Variants in NBAS observed in about 807,000 individuals in gnomAD.
NBAS encodes NBAS subunit of NRZ tethering complex.
NBAS carries 219 observed loss-of-function variants against 302.5 expected under a neutral mutation model. The observed-to-expected ratio is 0.72, with a 90% CI of 0.65 to 0.81. The LOEUF (loss-of-function observed/expected upper bound fraction) is 0.81. Ranked by LOEUF, NBAS falls within the 30% of genes least tolerant of loss-of-function variation. The pLI is 0.00. For missense variants in NBAS, 2,932 were observed against 2,841.6 expected (o/e 1.03, Z -0.72); for synonymous variants, 1,118 against 1,021.6 (o/e 1.09, Z -1.80).
chr2:15,411,766 A>G (rs1676698200), intron 25 of NBAS, among the ~76,000 whole-genome samples: 4 of 152,240 alleles, frequency 2.6e-5, no homozygotes, highest in Admixed American at 2.6e-4. Flanking sequence ...CGCATACTCC[A>G]GGATGCTTCT....
chr2:15,028,235 C>T, the NBAS span, among the ~76,000 whole-genome samples: 2 of 152,160 alleles, frequency 1.3e-5, no homozygotes, highest in Non-Finnish European at 2.9e-5. Flanking sequence ...AACCCAGTGG[C>T]TTTCGAACTC....
the NBAS span, among the ~76,000 whole-genome samples, chr2:14,993,200 T>C: frequency 1.3e-5 from 2 of 152,282 alleles, no homozygotes; most frequent in South Asian, 2.1e-4. Context: ...GAACCCTCCA[T>C]GCTCCCCATT....
the NBAS span, among the ~76,000 whole-genome samples, chr2:15,028,417 A>AT: frequency 6.6e-6 from 1 of 152,242 alleles, no homozygotes; most frequent in African/African-American, 2.4e-5. Flanking sequence ...TGCCCAATTC[A>AT]TTTTTGAAGC....
At chr2:15,513,458 T>TA (rs1662235546) in intron 9 of NBAS, among the ~76,000 whole-genome samples, 1 of 152,194 alleles carries the variant, frequency 6.6e-6, no homozygotes, top group African/African-American at 2.4e-5. Flanking sequence ...GGAGTATATC[T>TA]AGTGCAGATA....
intron 10 of NBAS, among the ~76,000 whole-genome samples, chr2:15,509,008 A>T (rs1160842831): frequency 3.3e-5 from 5 of 151,884 alleles, no homozygotes; most frequent in African/African-American, 9.7e-5. Flanking sequence ...ACTTCTTCAG[A>T]CTCTAAGATC....
chr2:15,443,206 G>A (rs1416920312), intron 21 of NBAS, among the ~76,000 whole-genome samples: 1 of 151,766 alleles, frequency 6.6e-6, no homozygotes, highest in Non-Finnish European at 1.5e-5. Flanking sequence ...ACAAAAAAAA[G>A]AATTTTAGAC....
Position 15,549,196 on chromosome 2 carries a change from G to A in NBAS, c.379+2297C>T, listed in dbSNP as rs72778698. Among the ~76,000 whole-genome samples the A allele has an allele frequency of 2.0e-3, 305 of 152,200 alleles. 2 individuals carry two copies. The highest frequency in any genetic ancestry group is 3.2e-3 in the Non-Finnish European group (218 of 68,022). On this transcript the variant is annotated intron_variant, in intron 6 of 51. Transcript: ENST00000281513. ...TTACAGATAATGAAACTGGGGCTCA[G>A]AGAGGTAACTTGCCCGAGGTTACCA...
intron 6 of NBAS, among the ~76,000 whole-genome samples, chr2:15,549,773 A>T (rs2148707019): frequency 6.6e-6 from 1 of 152,176 alleles, no homozygotes; most frequent in South Asian, 2.1e-4. Flanking sequence ...ATAAATAAAC[A>T]GGCTCCCAGG....
the NBAS span, among the ~76,000 whole-genome samples, chr2:14,867,348 T>G: frequency 1.3e-5 from 2 of 152,162 alleles, no homozygotes; most frequent in African/African-American, 4.8e-5. Context: ...ATATCATGTT[T>G]GCTAACAATC....
At chr2:14,906,091 AAGC>A in the NBAS span, among the ~76,000 whole-genome samples, 18 of 152,076 alleles carry the variant, frequency 1.2e-4, no homozygotes, top group Admixed American at 4.6e-4. Flanking sequence ...CAGCAGTGGT[AAGC>A]AGCAGCAGCA....
At chr2:15,548,851 C>T (rs962395429) in intron 6 of NBAS, among the ~76,000 whole-genome samples, 5 of 151,912 alleles carry the variant, frequency 3.3e-5, no homozygotes, top group Non-Finnish European at 5.9e-5. Context: ...ACCATCTGTA[C>T]GTGAAGGCAT....
At chr2:15,053,710 G>GA in the NBAS span, among the ~76,000 whole-genome samples, 2 of 151,340 alleles carry the variant, frequency 1.3e-5, no homozygotes, top group Non-Finnish European at 2.9e-5. Context: ...CGTCCATGTG[G>GA]AAAAAAAACT....
the NBAS span, among the ~76,000 whole-genome samples, chr2:14,878,896 G>A: frequency 3.9e-5 from 6 of 151,994 alleles, no homozygotes; most frequent in South Asian, 2.1e-4. Context: ...GTCATGTGTC[G>A]ACCATTATAG....
chr2:15,077,691 T>TTTTTTTTC, the NBAS span, among the ~76,000 whole-genome samples: 1 of 142,226 alleles, frequency 7.0e-6, no homozygotes, highest in African/African-American at 2.7e-5. Flanking sequence ...TTTTTTTTTC[T>TTTTTTTTC]TTTTTTTTTT....
At chr2:15,146,368 T>C in the NBAS span, among the ~76,000 whole-genome samples, 19 of 152,140 alleles carry the variant, frequency 1.2e-4, no homozygotes, top group Non-Finnish European at 2.5e-4. Context: ...TTAAATCTGA[T>C]TTCAGGATAA....
At chr2:15,268,113 C>G (rs1669155822) in intron 44 of NBAS, among the ~76,000 whole-genome samples, 1 of 152,206 alleles carries the variant, frequency 6.6e-6, no homozygotes, top group South Asian at 2.1e-4. Flanking sequence ...GAACTATTTT[C>G]TCCATCTTTC....
At chr2:14,892,361 A>G in the NBAS span, among the ~76,000 whole-genome samples, 1 of 152,342 alleles carries the variant, frequency 6.6e-6, no homozygotes, top group African/African-American at 2.4e-5. Context: ...AGACCAAAGC[A>G]TAAACCAAAT....
At chr2:15,437,753 T>TA (rs943000758) in intron 21 of NBAS, among the ~76,000 whole-genome samples, 8 of 152,122 alleles carry the variant, frequency 5.3e-5, no homozygotes, top group African/African-American at 1.4e-4. Flanking sequence ...ATTGAACAAC[T>TA]AAAATTTTTA....
intron 44 of NBAS, among the ~76,000 whole-genome samples, chr2:15,251,169 A>T (rs1195727434): frequency 6.6e-6 from 1 of 152,230 alleles, no homozygotes; most frequent in Non-Finnish European, 1.5e-5. Context: ...GCCATGAATG[A>T]AGCTGAAAAA....
Sources: allele counts gnomAD v4.1 joint callset (sites outside exome capture counted in the v4.1 genomes callset), GRCh38; gene constraint gnomAD v4.1.1; transcripts MANE v1.5; gene names NCBI Gene and HGNC (gene_info 2026-07-23, HGNC 2026-07-21).